Variants in FLACC1 observed in about 807,000 individuals in gnomAD.
The protein encoded by FLACC1 is flagellum-associated coiled-coil domain-containing protein 1.
Under a neutral mutation model 62.8 loss-of-function variants are expected in FLACC1, and 66 were observed. The observed-to-expected ratio is 1.05, with a 90% CI of 0.86 to 1.29. The LOEUF is 1.29. Ranked by LOEUF, FLACC1 falls within the 50% of genes most tolerant of loss-of-function variation. The pLI is 0.00. For synonymous variants in FLACC1, 156 were observed against 161.0 expected, an observed-to-expected ratio of 0.97 and a Z score of 0.24; for missense variants, 452 against 489.1, an observed-to-expected ratio of 0.92 and a Z score of 0.71.
chr2:201,343,250 T>C (rs1950846640), intron 6 of FLACC1, among the ~76,000 whole-genome samples: 1 of 152,208 alleles, frequency 6.6e-6, no homozygotes, highest in Admixed American at 6.5e-5. Context: ...TCTAAATATG[T>C]CTTCAGCAGG....
chr2:201,355,246 C>T (rs1951097811), intron 1 of FLACC1, among the ~76,000 whole-genome samples: 1 of 152,188 alleles, frequency 6.6e-6, no homozygotes, highest in Admixed American at 6.5e-5. Flanking sequence ...GATCTCACCA[C>T]TGCACTCCAG....
rs1359623860 is a variant in FLACC1, at chr2:201,348,282, C to G, written c.206G>C (p.Arg69Thr). The change falls in exon 4 of 15, where the codon AGG (arginine) becomes ACG (threonine). Residue 69 changes from arginine (R) to threonine (T), a missense_variant. By Grantham distance (71) the Arg-to-Thr change is moderately conservative. This residue lies in a region of FLACC1 where 147 missense variants were observed against 152.7 expected (regional missense o/e 0.96). Transcript: ENST00000392257. The part of the protein sequence containing the change: ...VSPKMKIHSA[R>T]QEETNKSFYE... ...AAATGATTTATTAGTCTCTTCTTGCCTTGCTGAATGGATTTTCATTCTGCA... is the reference window on the plus strand; with the variant it reads ...AAATGATTTATTAGTCTCTTCTTGCGTTGCTGAATGGATTTTCATTCTGCA... 1.2e-6 allele frequency: 2 copies of G among 1,612,594 alleles called. No individual in the cohort carries two copies. The highest frequency in any genetic ancestry group is 1.7e-6 in the Non-Finnish European group (2 of 1,179,770).
chr2:201,353,713 G>A (rs1308301812), intron 1 of FLACC1, among the ~76,000 whole-genome samples: 1 of 152,120 alleles, frequency 6.6e-6, no homozygotes, highest in Middle Eastern at 3.2e-3. Flanking sequence ...TCAGCCTCCT[G>A]TAGGTGTAGG....
chr2:201,299,143 G>A (rs1949925418), intron 12 of FLACC1, 95 bp downstream of exon 12: 2 of 1,208,766 alleles, frequency 1.7e-6, no homozygotes. Context: ...TTGGCTTTGG[G>A]GAAATTATCA....
intron 12 of FLACC1, among the ~76,000 whole-genome samples, chr2:201,297,615 C>T (rs11679181): frequency 0.34 from 51,115 of 152,026 alleles, 10,143 homozygotes; most frequent in East Asian, 0.48. Context: ...TTTGGCAACT[C>T]GGAATTTACT....
intron 6 of FLACC1, 76 bp from the exon 7 acceptor site, chr2:201,342,507 T>G: frequency 6.8e-7 from 1 of 1,466,886 alleles, no homozygotes; most frequent in Non-Finnish European, 9.5e-7. Context: ...CTGAAAAGCC[T>G]TCCAATTTAT....
chr2:201,308,235 A>G (rs1181336786), intron 10 of FLACC1, among the ~76,000 whole-genome samples: 1 of 152,174 alleles, frequency 6.6e-6, no homozygotes, highest in Non-Finnish European at 1.5e-5. Context: ...ATCTTTACTT[A>G]GACTTTAGCA....
At chr2:201,341,543 AT>A (rs1950810240) in intron 7 of FLACC1, among the ~76,000 whole-genome samples, 1 of 150,970 alleles carries the variant, frequency 6.6e-6, no homozygotes, top group Non-Finnish European at 1.5e-5. Flanking sequence ...ATGTATATAT[AT>A]ATATACACAA....
intron 7 of FLACC1, among the ~76,000 whole-genome samples, chr2:201,332,034 A>C (rs1950603156): frequency 6.6e-6 from 1 of 152,214 alleles, no homozygotes; most frequent in Admixed American, 6.5e-5. Flanking sequence ...ACTCTAAAAA[A>C]TAAAGTTTAT....
At chr2:201,319,429 A>G (rs1950362092) in intron 9 of FLACC1, among the ~76,000 whole-genome samples, 1 of 152,186 alleles carries the variant, frequency 6.6e-6, no homozygotes, top group Non-Finnish European at 1.5e-5. Flanking sequence ...CCTAGGAAAC[A>G]CCATTCTGAA....
chr2:201,334,976 G>A (rs115127446), intron 7 of FLACC1, among the ~76,000 whole-genome samples: 4,935 of 151,860 alleles, frequency 0.032, 226 homozygotes, highest in African/African-American at 0.099. Flanking sequence ...CATCTTTATT[G>A]GTCTGTTCAG....
intron 9 of FLACC1, among the ~76,000 whole-genome samples, chr2:201,311,485 G>A (rs1950216468): frequency 6.6e-6 from 1 of 152,120 alleles, no homozygotes; most frequent in African/African-American, 2.4e-5. Flanking sequence ...ACTATGGGAG[G>A]TTGAGTCAGG....
chr2:201,295,262 T>C (rs1365149555), intron 12 of FLACC1, among the ~76,000 whole-genome samples: 15 of 152,164 alleles, frequency 9.9e-5, no homozygotes, highest in Non-Finnish European at 1.6e-4. Context: ...CTTCAAACTA[T>C]ACTACAAGTC....
intron 9 of FLACC1, among the ~76,000 whole-genome samples, chr2:201,319,361 C>T (rs1204653270): frequency 6.6e-6 from 1 of 152,066 alleles, no homozygotes; most frequent in Admixed American, 6.5e-5. Context: ...AAAATCAACC[C>T]AAGATGCCTT....
At chr2:201,356,749 C>T (rs762420358) in intron 1 of FLACC1, among the ~76,000 whole-genome samples, 1 of 152,114 alleles carries the variant, frequency 6.6e-6, no homozygotes, top group Non-Finnish European at 1.5e-5. Flanking sequence ...GATAGATCTG[C>T]ATTTACAGTG....
intron 1 of FLACC1, among the ~76,000 whole-genome samples, chr2:201,354,250 C>G (rs1207692133): frequency 3.9e-5 from 6 of 152,130 alleles, no homozygotes; most frequent in Non-Finnish European, 7.3e-5. Context: ...TGCTGTGAGT[C>G]CTGTGCTAGA....
chr2:201,307,174 T>A (rs972898627), intron 11 of FLACC1, among the ~76,000 whole-genome samples: 42 of 152,346 alleles, frequency 2.8e-4, no homozygotes, highest in African/African-American at 9.4e-4. Context: ...GTAATAGCAC[T>A]ACAGCTATAA....
In FLACC1 at chr2:201,356,984, T is replaced by C. The variant is rs1951129668; in HGVS notation, c.-50A>G. The C allele has an allele frequency of 1.3e-5, 2 of 152,226 alleles. No homozygotes were observed. Among genetic ancestry groups the C allele is most frequent in the Admixed American group, 6.5e-5 (1 of 15,286 alleles). 9.4% of individuals were successfully genotyped at this position (152,226 alleles called of 1,614,324 possible). The stretch of plus-strand genomic sequence containing the variant: ...AACATCTTTTCCAAAGAGCTTACCT[T>C]GGACTGCCCAAAGATCTGTTATTCT... On this transcript the variant is annotated splice_region_variant and 5_prime_UTR_variant, in exon 1 of 15. Transcript: ENST00000392257.
intron 11 of FLACC1, among the ~76,000 whole-genome samples, chr2:201,303,980 A>G (rs1397308123): frequency 1.3e-5 from 2 of 152,230 alleles, no homozygotes; most frequent in African/African-American, 2.4e-5. Flanking sequence ...ATCATACTGA[A>G]TGGGCAAAAA....
Sources: gnomAD v4.1 joint callset for allele counts (sites outside exome capture counted in the v4.1 genomes callset) on GRCh38, gnomAD v4.1.1 for gene constraint, gnomAD v4.1.1 regional missense constraint, MANE v1.5 for transcripts, NCBI Gene and HGNC (gene_info 2026-07-23, HGNC 2026-07-21) for gene names.